Variants in ALCAM observed in about 807,000 individuals in gnomAD.
ALCAM encodes the protein activated leukocyte cell adhesion molecule, also known as CD166 antigen.
In ALCAM, 30 loss-of-function variants were observed where a neutral mutation model predicts 70.9. The ratio of observed to expected loss-of-function variants is 0.42; its 90% confidence interval spans 0.32 to 0.57. ALCAM has a LOEUF of 0.57. Among genes scored for constraint, ALCAM ranks in the 20% least tolerant of loss-of-function variants. The pLI, the probability that ALCAM is intolerant of heterozygous loss-of-function variation, is 0.11. For missense variants in ALCAM, 591 were observed against 695.1 expected (o/e 0.85, Z 1.68); for synonymous variants, 249 against 242.5 (o/e 1.03, Z -0.25).
chr3:105,571,246 G>C (rs1382038049), intron 14 of ALCAM, among the ~76,000 whole-genome samples: 1 of 152,108 alleles, frequency 6.6e-6, no homozygotes, highest in African/African-American at 2.4e-5. Flanking sequence ...TGCATTTCTT[G>C]CAAGTTCACA....
chr3:105,496,220 A>C (rs1033450703), intron 1 of ALCAM, among the ~76,000 whole-genome samples: 1 of 152,154 alleles, frequency 6.6e-6, no homozygotes, highest in Admixed American at 6.5e-5. Context: ...TACATTTTCA[A>C]ATTAGGCGAA....
intron 14 of ALCAM, among the ~76,000 whole-genome samples, chr3:105,559,777 T>C (rs1940595192): frequency 6.6e-6 from 1 of 152,194 alleles, no homozygotes; most frequent in South Asian, 2.1e-4. Context: ...CCAGAGATTG[T>C]TTGCCTAATC....
chr3:105,373,527 G>GA (rs1008104419), intron 1 of ALCAM, among the ~76,000 whole-genome samples: 7 of 150,970 alleles, frequency 4.6e-5, no homozygotes, highest in African/African-American at 1.2e-4. Context: ...TGTGAATGAA[G>GA]AAAAAAAAAC....
chr3:105,551,702 T>A (rs1008187573), intron 12 of ALCAM, among the ~76,000 whole-genome samples: 7 of 151,518 alleles, frequency 4.6e-5, no homozygotes, highest in African/African-American at 1.7e-4. Context: ...TTTGAGAACA[T>A]CTCTAGTGGT....
intron 1 of ALCAM, among the ~76,000 whole-genome samples, chr3:105,484,952 G>A (rs766911316): frequency 2.0e-5 from 3 of 151,774 alleles, no homozygotes; most frequent in African/African-American, 7.2e-5. Flanking sequence ...TTTTTTTTTG[G>A]TGGGGGATAG....
intron 10 of ALCAM, 27 bp downstream of exon 10, chr3:105,547,311 A>C: frequency 6.3e-7 from 1 of 1,579,582 alleles, no homozygotes; most frequent in South Asian, 1.2e-5. Context: ...GCACTAATTC[A>C]AATTGTTCTT....
chr3:105,523,654 T>G (rs1939613599), intron 2 of ALCAM, among the ~76,000 whole-genome samples: 2 of 152,192 alleles, frequency 1.3e-5, no homozygotes, highest in Non-Finnish European at 2.9e-5. Context: ...TTTGGTGATG[T>G]TTTTGTATGA....
intron 1 of ALCAM, among the ~76,000 whole-genome samples, chr3:105,416,126 A>G (rs977465864): frequency 3.3e-5 from 5 of 152,032 alleles, no homozygotes; most frequent in Non-Finnish European, 7.4e-5. Flanking sequence ...GTCATTCTCA[A>G]CTTGACTTTG....
At chr3:105,462,996 A>G (rs1325650554) in intron 1 of ALCAM, among the ~76,000 whole-genome samples, 1 of 151,516 alleles carries the variant, frequency 6.6e-6, no homozygotes, top group East Asian at 1.9e-4. Context: ...AAGTGTCAGC[A>G]TGACCATCTT....
intron 14 of ALCAM, among the ~76,000 whole-genome samples, chr3:105,571,229 G>A (rs557062569): frequency 7.2e-5 from 11 of 152,242 alleles, no homozygotes; most frequent in African/African-American, 2.2e-4. Context: ...TATAGGGCCC[G>A]AGAATTTGCA....
At chr3:105,406,524 C>A (rs186625012) in intron 1 of ALCAM, among the ~76,000 whole-genome samples, 9 of 152,144 alleles carry the variant, frequency 5.9e-5, no homozygotes, top group Non-Finnish European at 1.2e-4. Context: ...CTATCAAAAC[C>A]TCCGGGAAAC....
At chr3:105,476,400 G>T (rs540912581) in intron 1 of ALCAM, among the ~76,000 whole-genome samples, 3 of 152,098 alleles carry the variant, frequency 2.0e-5, no homozygotes, top group Non-Finnish European at 2.9e-5. Flanking sequence ...CTTCACTCAT[G>T]TCCAAACCTA....
chr3:105,486,226 C>T (rs961944656), intron 1 of ALCAM, among the ~76,000 whole-genome samples: 6 of 152,158 alleles, frequency 3.9e-5, no homozygotes, highest in East Asian at 1.9e-4. Context: ...GACACCCGTC[C>T]AAATTATTGA....
chr3:105,496,169 C>T (rs1938730474), intron 1 of ALCAM, among the ~76,000 whole-genome samples: 1 of 152,080 alleles, frequency 6.6e-6, no homozygotes, highest in Admixed American at 6.5e-5. Flanking sequence ...ATTGTAGTTT[C>T]CTATAATTAA....
chr3:105,522,081 G>A (rs1939559921), intron 2 of ALCAM, among the ~76,000 whole-genome samples: 1 of 152,148 alleles, frequency 6.6e-6, no homozygotes, highest in South Asian at 2.1e-4. Context: ...ATAACCCAGG[G>A]AGTAGCATTC....
chr3:105,470,960 T>C lies in ALCAM; in HGVS notation c.74-49107T>C, dbSNP rs1198251654. Among the ~76,000 whole-genome samples the C allele has an allele frequency of 4.0e-5, 6 of 151,274 alleles. 1 individual carries two copies. In the East Asian group the frequency reaches 1.2e-3, roughly 29 times the overall value. On this transcript the variant is annotated intron_variant, in intron 1 of 15. Coordinates refer to ENST00000306107, the MANE Select transcript of ALCAM (RefSeq NM_001627.4). The stretch of plus-strand genomic sequence containing the variant: ...CCCATTTCCAAAGCATTGCACTATT[T>C]GTTAGGGTATACTTTTTTAAACCTC...
chr3:105,460,485 C>G (rs1937588173), intron 1 of ALCAM, among the ~76,000 whole-genome samples: 1 of 151,996 alleles, frequency 6.6e-6, no homozygotes, highest in Admixed American at 6.6e-5. Flanking sequence ...AATTTACACT[C>G]TAAAACAACT....
At chr3:105,373,947 A>T (rs573485173) in intron 1 of ALCAM, among the ~76,000 whole-genome samples, 12 of 152,334 alleles carry the variant, frequency 7.9e-5, no homozygotes, top group African/African-American at 2.6e-4. Context: ...TAAAACCATC[A>T]TGAAAGAACA....
intron 1 of ALCAM, among the ~76,000 whole-genome samples, chr3:105,381,346 C>T (rs949391033): frequency 5.3e-5 from 8 of 151,926 alleles, no homozygotes; most frequent in African/African-American, 1.9e-4. Flanking sequence ...CCAGCTGTAG[C>T]TCCTCTCCAC....
Sources: allele counts gnomAD v4.1 joint callset (sites outside exome capture counted in the v4.1 genomes callset), GRCh38; gene constraint gnomAD v4.1.1; transcripts MANE v1.5; gene names NCBI Gene and HGNC (gene_info 2026-07-23, HGNC 2026-07-21).